The following STIM1 variants were observed in gnomAD, a reference collection of about 807,000 sequenced individuals.
STIM1 encodes stromal interaction molecule 1.
STIM1 carries 25 observed loss-of-function variants against 74.7 expected under a neutral mutation model. The observed-to-expected ratio is 0.33, with a 90% CI of 0.24 to 0.47. The LOEUF (loss-of-function observed/expected upper bound fraction) is 0.47, where lower values mean the gene tolerates loss of function less well. Among genes scored for constraint, STIM1 ranks in the 20% least tolerant of loss-of-function variants. The probability of loss-of-function intolerance (pLI) is 1.00; values close to 1 mark genes in which losing one functional copy is unlikely to be tolerated. For synonymous variants in STIM1, 328 were observed against 348.8 expected (o/e 0.94, Z 0.66); for missense variants, 728 against 920.8 (o/e 0.79, Z 2.71).
At chr11:3,969,078 C>T (rs1203841357) in intron 2 of STIM1, among the ~76,000 whole-genome samples, 1 of 152,148 alleles carries the variant, frequency 6.6e-6, no homozygotes, top group Non-Finnish European at 1.5e-5. Flanking sequence ...AAAAAGTAGG[C>T]ATTTTCTTTT....
At chr11:3,937,912 G>A (rs191208943) in intron 1 of STIM1, among the ~76,000 whole-genome samples, 1 of 151,762 alleles carries the variant, frequency 6.6e-6, no homozygotes, top group Non-Finnish European at 1.5e-5. Context: ...CTTCACCTAG[G>A]ATCTTGAGTC....
chr11:3,870,919 C>T (rs2091063895), intron 1 of STIM1, among the ~76,000 whole-genome samples: 1 of 137,606 alleles, frequency 7.3e-6, no homozygotes, highest in Admixed American at 8.0e-5. Context: ...TGTCGCCAGG[C>T]TGGAGTGCAG....
chr11:3,899,706 A>G (rs1416486140), intron 1 of STIM1, among the ~76,000 whole-genome samples: 3 of 150,058 alleles, frequency 2.0e-5, no homozygotes, highest in Non-Finnish European at 1.5e-5. Flanking sequence ...TACCTAATTT[A>G]TTGAGAGTTT....
At chr11:3,983,651 T>G (rs899811305) in intron 2 of STIM1, among the ~76,000 whole-genome samples, 1 of 152,176 alleles carries the variant, frequency 6.6e-6, no homozygotes, top group Non-Finnish European at 1.5e-5. Flanking sequence ...TTATTTTTCC[T>G]TGATTAACCT....
At chr11:4,065,052 C>T (rs1174735197) in intron 5 of STIM1, among the ~76,000 whole-genome samples, 1 of 152,182 alleles carries the variant, frequency 6.6e-6, no homozygotes, top group Non-Finnish European at 1.5e-5. Flanking sequence ...CCAATTTGCT[C>T]TAAATAAATG....
chr11:4,086,412 A>C (rs1590699789), intron 11 of STIM1, 65 bp from the exon 12 acceptor site: 2 of 1,582,794 alleles, frequency 1.3e-6, no homozygotes, highest in Non-Finnish European at 1.7e-6. Context: ...ATTCATGGGC[A>C]CCTCCTTACC....
chr11:3,932,210 G>C (rs1044403344), intron 1 of STIM1, among the ~76,000 whole-genome samples: 1 of 152,196 alleles, frequency 6.6e-6, no homozygotes, highest in Non-Finnish European at 1.5e-5. Context: ...AAAACCCTGT[G>C]TCTTGTTTGC....
intron 1 of STIM1, among the ~76,000 whole-genome samples, chr11:3,887,140 G>A (rs2091740766): frequency 6.6e-6 from 1 of 152,176 alleles, no homozygotes; most frequent in South Asian, 2.1e-4. Context: ...AGGGCTGTGA[G>A]TTTGGTAATA....
intron 1 of STIM1, among the ~76,000 whole-genome samples, chr11:3,899,942 C>T (rs2092303628): frequency 6.6e-6 from 1 of 151,966 alleles, no homozygotes. Context: ...AGGATTTTTG[C>T]ATCAATGTTC....
intron 5 of STIM1, among the ~76,000 whole-genome samples, chr11:4,062,255 A>G (rs576359009): frequency 1.3e-5 from 2 of 152,390 alleles, no homozygotes; most frequent in Admixed American, 1.3e-4. Context: ...CAAGAAAGTG[A>G]AAAGACAACC....
At chr11:3,994,811 G>A (rs1424005914) in intron 2 of STIM1, among the ~76,000 whole-genome samples, 2 of 151,930 alleles carry the variant, frequency 1.3e-5, no homozygotes. Flanking sequence ...ATTTCTCTGA[G>A]GCTCTGTTCA....
At chr11:3,991,810 C>T (rs1328590028) in intron 2 of STIM1, among the ~76,000 whole-genome samples, 1 of 151,596 alleles carries the variant, frequency 6.6e-6, no homozygotes, top group East Asian at 2.0e-4. Context: ...ATTAGCCGGT[C>T]ATGGTGGCGC....
intron 12 of STIM1, among the ~76,000 whole-genome samples, chr11:4,090,387 C>T (rs1206304477): frequency 1.3e-5 from 2 of 152,224 alleles, no homozygotes; most frequent in Non-Finnish European, 2.9e-5. Context: ...TGCCTCCCTA[C>T]ATTCTCCGTC....
rs528069760 is a variant in STIM1, at chr11:3,934,123, CG to C, written c.140-33425del. Among the ~76,000 whole-genome samples, 16 of 151,968 alleles carry C rather than the reference CG, an allele frequency of 1.1e-4. No homozygotes were observed. In the East Asian group the frequency reaches 3.1e-3, roughly 29 times the overall value. ...TTCACAGAGTTGTCAGGGTTGTGTA[CG>C]GGGTGGGAGAGGGGTCTGTGTATAA... On this transcript the variant is annotated intron_variant, in intron 1 of 12. Coordinates refer to ENST00000526596, the MANE Select transcript of STIM1 (RefSeq NM_001382567.1).
At chr11:3,943,347 G>A (rs1056289561) in intron 1 of STIM1, among the ~76,000 whole-genome samples, 3 of 152,260 alleles carry the variant, frequency 2.0e-5, no homozygotes, top group African/African-American at 7.2e-5. Flanking sequence ...TTTAAGGAGT[G>A]CTTTTCTGCA....
intron 1 of STIM1, among the ~76,000 whole-genome samples, chr11:3,915,680 A>G (rs11030251): frequency 0.048 from 7,368 of 152,180 alleles, 294 homozygotes; most frequent in East Asian, 0.17. Context: ...TATAGGCATG[A>G]GCCACCGTGC....
intron 1 of STIM1, among the ~76,000 whole-genome samples, chr11:3,876,083 G>T (rs2091298935): frequency 6.6e-6 from 1 of 152,118 alleles, no homozygotes. Context: ...CTGGTTGTCT[G>T]TTCCCCTATG....
intron 1 of STIM1, among the ~76,000 whole-genome samples, chr11:3,938,245 G>A (rs2092960547): frequency 6.6e-6 from 1 of 152,110 alleles, no homozygotes; most frequent in African/African-American, 2.4e-5. Flanking sequence ...GCCTGTTAGA[G>A]AAATTCTAAT....
intron 1 of STIM1, among the ~76,000 whole-genome samples, chr11:3,876,352 T>C (rs2091306716): frequency 1.3e-5 from 2 of 152,164 alleles, no homozygotes; most frequent in South Asian, 4.1e-4. Context: ...AGTTGAATGC[T>C]GTTTGGGTAG....
Sources: allele counts gnomAD v4.1 joint callset (sites outside exome capture counted in the v4.1 genomes callset), GRCh38; gene constraint gnomAD v4.1.1; transcripts MANE v1.5; gene names NCBI Gene and HGNC (gene_info 2026-07-23, HGNC 2026-07-21).